GRIP1: variants seen among roughly 807,000 people sequenced by gnomAD.
The protein encoded by GRIP1 is glutamate receptor interacting protein 1.
In GRIP1, 45 loss-of-function variants were observed where a neutral mutation model predicts 129.9. The observed-to-expected ratio is 0.35, with a 90% CI of 0.27 to 0.44. The LOEUF (loss-of-function observed/expected upper bound fraction) is 0.44. GRIP1 is among the 20% of genes least tolerant of loss of function. The probability of loss-of-function intolerance (pLI) is 1.00; values close to 1 mark genes in which losing one functional copy is unlikely to be tolerated. For synonymous variants in GRIP1, 530 were observed against 520.8 expected, an observed-to-expected ratio of 1.02 and a Z score of -0.24; for missense variants, 1,196 against 1,396.8, an observed-to-expected ratio of 0.86 and a Z score of 2.29.
At chr12:66,907,717 G>A (rs2040958126) in intron 1 of GRIP1, among the ~76,000 whole-genome samples, 1 of 152,120 alleles carries the variant, frequency 6.6e-6, no homozygotes, top group Non-Finnish European at 1.5e-5. Context: ...TGTGAAGAAA[G>A]ACTACATGAG....
At chr12:67,046,824 A>G (rs371015278) in intron 1 of GRIP1, among the ~76,000 whole-genome samples, 3 of 152,202 alleles carry the variant, frequency 2.0e-5, no homozygotes, top group Non-Finnish European at 4.4e-5. Context: ...TAGTGCTTCA[A>G]TGGAAATTTA....
chr12:66,627,746 G>T (rs1396442283), intron 1 of GRIP1, among the ~76,000 whole-genome samples: 1 of 152,112 alleles, frequency 6.6e-6, no homozygotes, highest in Non-Finnish European at 1.5e-5. Flanking sequence ...GAGTCGGGGA[G>T]TCATTCCCTC....
intron 23 of GRIP1, among the ~76,000 whole-genome samples, chr12:66,363,419 T>A (rs1222934865): frequency 0.024 from 3,490 of 147,644 alleles, 133 homozygotes; most frequent in African/African-American, 0.08. Flanking sequence ...TTTTTTTTTT[T>A]AAATTATTTT....
chr12:66,420,500 G>A (rs1012979494), intron 15 of GRIP1, among the ~76,000 whole-genome samples: 6 of 144,828 alleles, frequency 4.1e-5, no homozygotes, highest in African/African-American at 1.3e-4. Context: ...AAGACCCTAA[G>A]AAATGTTTTC....
intron 7 of GRIP1, among the ~76,000 whole-genome samples, chr12:66,473,836 A>G (rs989306850): frequency 3.3e-5 from 5 of 152,198 alleles, no homozygotes; most frequent in Non-Finnish European, 4.4e-5. Flanking sequence ...GGTCACCAAC[A>G]TCAAAGACCA....
chr12:66,528,281 C>T (rs1324335539), intron 5 of GRIP1, among the ~76,000 whole-genome samples: 1 of 151,840 alleles, frequency 6.6e-6, no homozygotes, highest in African/African-American at 2.4e-5. Context: ...ACTACAGGCG[C>T]CTGCCACCAC....
intron 1 of GRIP1, among the ~76,000 whole-genome samples, chr12:66,944,809 T>C (rs2041640835): frequency 6.6e-6 from 1 of 152,190 alleles, no homozygotes. Flanking sequence ...GTTTTGTTTT[T>C]TGAGACAGAG....
At chr12:66,896,922 C>T (rs889732784) in intron 1 of GRIP1, among the ~76,000 whole-genome samples, 1 of 152,232 alleles carries the variant, frequency 6.6e-6, no homozygotes, top group Non-Finnish European at 1.5e-5. Context: ...TTTCCAGACA[C>T]TCTTCCGAAG....
chr12:66,533,870 CACACACACAT>C (rs2061528227), intron 4 of GRIP1, among the ~76,000 whole-genome samples: 3 of 142,556 alleles, frequency 2.1e-5, no homozygotes, highest in African/African-American at 7.7e-5. Flanking sequence ...CACTCACACA[CACACACACAT>C]ACACACACTC....
At chr12:66,851,513 T>C (rs1487474143) in intron 1 of GRIP1, among the ~76,000 whole-genome samples, 1 of 152,116 alleles carries the variant, frequency 6.6e-6, no homozygotes, top group Non-Finnish European at 1.5e-5. Flanking sequence ...CAGGTTTCAG[T>C]GCTAATTTGT....
chr12:66,739,985 CA>C lies in GRIP1; in HGVS notation c.-420+64067del, dbSNP rs966891763. On this transcript the variant is annotated intron_variant, in intron 1 of 4. Transcript: ENST00000538373. ...GTCTGTCCCCAAGTCTGCAGCCCAG[CA>C]GCCTCAAGACTGAGATCCTCCCCTT... Among the ~76,000 whole-genome samples, 55 of 152,274 alleles carry C rather than the reference CA, an allele frequency of 3.6e-4. 1 individual carries two copies. Among genetic ancestry groups the C allele is most frequent in the Non-Finnish European group, 1.9e-4 (13 of 68,014 alleles).
intron 1 of GRIP1, among the ~76,000 whole-genome samples, chr12:66,941,895 C>T (rs2041592482): frequency 6.6e-6 from 1 of 152,186 alleles, no homozygotes; most frequent in African/African-American, 2.4e-5. Flanking sequence ...CTTTGACATT[C>T]ATCCAATCGC....
chr12:66,528,769 T>C lies in GRIP1; in HGVS notation c.502+1062A>G, dbSNP rs1347970338. Among the ~76,000 whole-genome samples the C allele has an allele frequency of 4.6e-5, 7 of 152,290 alleles. No homozygotes were observed. The East Asian group carries it at 1.2e-3, about 25-fold the overall frequency. On this transcript the variant is annotated intron_variant, in intron 5 of 24. Coordinates refer to ENST00000359742, the MANE Select transcript of GRIP1 (RefSeq NM_001366722.1). ...TAAACATTGGCTTTTTGCTCTGTAT[T>C]AATGAACCAAAAATAGAGCTACATA... is the stretch of plus-strand genomic sequence containing the variant.
At chr12:66,407,104 T>A (rs562361013) in intron 15 of GRIP1, among the ~76,000 whole-genome samples, 1 of 152,328 alleles carries the variant, frequency 6.6e-6, no homozygotes, top group Admixed American at 6.5e-5. Flanking sequence ...ATACACAGAT[T>A]TGTAAGAACA....
At chr12:66,597,326 G>A (rs1176066044) in intron 1 of GRIP1, among the ~76,000 whole-genome samples, 1 of 152,168 alleles carries the variant, frequency 6.6e-6, no homozygotes, top group East Asian at 1.9e-4. Context: ...TGGGCACTAA[G>A]AATAATCAGG....
At chr12:66,434,065 T>C (rs2058228699) in intron 13 of GRIP1, among the ~76,000 whole-genome samples, 1 of 152,220 alleles carries the variant, frequency 6.6e-6, no homozygotes, top group Non-Finnish European at 1.5e-5. Flanking sequence ...CTCTCATCCT[T>C]TCTGAGGAAA....
chr12:66,647,690 A>ATTGGATTTG (rs546862384), intron 1 of GRIP1, among the ~76,000 whole-genome samples: 99 of 152,364 alleles, frequency 6.5e-4, no homozygotes, highest in Middle Eastern at 3.4e-3. Flanking sequence ...AACATCACAT[A>ATTGGATTTG]TTCTTAGAGA....
In GRIP1 at chr12:66,732,532, G is replaced by A. The variant is rs193259661; in HGVS notation, c.-420+71521C>T. 7.3e-5 allele frequency among the ~76,000 whole-genome samples: 11 copies of A among 151,254 alleles called. No individual in the cohort carries two copies. In the East Asian group the frequency reaches 1.4e-3, roughly 19 times the overall value. ...TGTGTTACTTCACTCCAGACTGGGCGACACCGTCTCAAAACAAACAAACAA... is the reference window on the plus strand; with the variant it reads ...TGTGTTACTTCACTCCAGACTGGGCAACACCGTCTCAAAACAAACAAACAA... On this transcript the variant is annotated intron_variant, in intron 1 of 4. Coordinates refer to the GRIP1 transcript ENST00000538373.
chr12:66,696,582 C>T (rs952278045), intron 1 of GRIP1, among the ~76,000 whole-genome samples: 1 of 151,542 alleles, frequency 6.6e-6, no homozygotes, highest in Non-Finnish European at 1.5e-5. Flanking sequence ...GTCAGGAGAT[C>T]GAGACCATTC....
Sources: allele counts gnomAD v4.1 joint callset (sites outside exome capture counted in the v4.1 genomes callset), GRCh38; gene constraint gnomAD v4.1.1; transcripts MANE v1.5; gene names NCBI Gene and HGNC (gene_info 2026-07-23, HGNC 2026-07-21).